ZNF559: variants seen among roughly 807,000 people sequenced by gnomAD.
The protein encoded by ZNF559 is zinc finger protein 559, also known as putative protein product of Nbla00121.
In ZNF559, 17 loss-of-function variants were observed where a neutral mutation model predicts 14.2. That is an observed-to-expected ratio of 1.20 (90% CI 0.82 to 1.80). The LOEUF (loss-of-function observed/expected upper bound fraction) is 1.80. Ranked by LOEUF, ZNF559 falls within the 40% of genes most tolerant of loss-of-function variation. The probability of loss-of-function intolerance (pLI) is 0.00; values close to 1 mark genes in which losing one functional copy is unlikely to be tolerated. For synonymous variants in ZNF559, 244 were observed against 212.4 expected (o/e 1.15, Z -1.29); for missense variants, 740 against 629.7 (o/e 1.18, Z -1.88).
chr19:9,326,105 ATTT>A (rs71183701), intron 2 of ZNF559, among the ~76,000 whole-genome samples: 86 of 73,730 alleles, frequency 1.2e-3, no homozygotes, highest in East Asian at 3.8e-3. Context: ...TATTCACCTG[ATTT>A]TTTTTTTTTT....
chr19:9,345,280 T>A lies in ZNF559; in HGVS notation c.*2212T>A, dbSNP rs902907277. 1 of 152,234 alleles carries A rather than the reference T, an allele frequency of 6.6e-6. No individual in the cohort carries two copies. Among genetic ancestry groups the A allele is most frequent in the Non-Finnish European group, 1.5e-5 (1 of 68,042 alleles). 9.4% of individuals were successfully genotyped at this position (152,234 alleles called of 1,614,324 possible). ...CTGCCTTGAATACCCATATGCAGATTATTCTTTAAACATGTGCTTCTGTTT... is the reference window on the plus strand; with the variant it reads ...CTGCCTTGAATACCCATATGCAGATAATTCTTTAAACATGTGCTTCTGTTT... On this transcript the variant is annotated 3_prime_UTR_variant, in exon 7 of 7. Transcript: ENST00000603380.
chr19:9,327,714 C>A (rs2066698772), intron 2 of ZNF559, among the ~76,000 whole-genome samples: 1 of 150,692 alleles, frequency 6.6e-6, no homozygotes, highest in African/African-American at 2.5e-5. Context: ...GCCCTCTATA[C>A]TTTTTTTCTT....
Position 9,334,988 on chromosome 19 carries a change from T to C in ZNF559, c.-119-2808T>C, listed in dbSNP as rs558184156. Reference sequence around the variant, plus strand: ...TCTCTACTAAAAATACAAAACAAATTAGCCAGGCATGGTGGTGGGCGCCTG... The same window carrying C: ...TCTCTACTAAAAATACAAAACAAATCAGCCAGGCATGGTGGTGGGCGCCTG... On this transcript the variant is annotated intron_variant, in intron 2 of 6. Transcript: ENST00000603380. 1.3e-4 allele frequency among the ~76,000 whole-genome samples: 20 copies of C among 151,752 alleles called. No individual in the cohort carries two copies. The East Asian group carries it at 3.9e-3, about 30-fold the overall frequency.
intron 2 of ZNF559, among the ~76,000 whole-genome samples, chr19:9,325,849 T>G (rs1198822312): frequency 2.0e-5 from 3 of 152,160 alleles, no homozygotes; most frequent in Non-Finnish European, 4.4e-5. Context: ...ATTTGTTTCA[T>G]TTTTTTGTAT....
intron 2 of ZNF559, among the ~76,000 whole-genome samples, chr19:9,336,117 AG>A (rs569896542): frequency 2.9e-4 from 44 of 152,280 alleles, no homozygotes; most frequent in African/African-American, 1.1e-3. Context: ...CAACTTTTTT[AG>A]GGAAGCCAGA....
chr19:9,335,315 T>C (rs1165080207), intron 2 of ZNF559, among the ~76,000 whole-genome samples: 2 of 151,808 alleles, frequency 1.3e-5, no homozygotes, highest in Non-Finnish European at 2.9e-5. Flanking sequence ...AAATTTTTAA[T>C]TGGCCGGGTG....
At position 9,342,646 on chromosome 19, in the gene ZNF559, C is replaced by G. The variant is rs768644929; in HGVS notation, c.1195C>G (p.His399Asp). 42 of 1,614,026 alleles carry G rather than the reference C, an allele frequency of 2.6e-5. No individual in the cohort carries two copies. The African/African-American group carries it at 4.1e-4, about 16-fold the overall frequency. Residue 399 changes from histidine to aspartate, a missense_variant, in exon 7 of 7, where the codon CAC (histidine) becomes GAC (aspartate). His to Asp is a moderately conservative substitution (Grantham distance 81). Coordinates refer to ENST00000603380, the MANE Select transcript of ZNF559 (RefSeq NM_032497.3). Reference protein sequence around the residue: ...AFINSSSFKSHMQTHPGVKPY... With the variant: ...AFINSSSFKSDMQTHPGVKPY... Reference sequence around the variant, plus strand: ...TATTAATTCCTCTTCCTTTAAAAGTCACATGCAGACTCATCCTGGTGTAAA... The same window carrying G: ...TATTAATTCCTCTTCCTTTAAAAGTGACATGCAGACTCATCCTGGTGTAAA...
upstream of ZNF559, chr19:9,324,071 A>C: frequency 1.5e-6 from 2 of 1,318,066 alleles, no homozygotes; most frequent in South Asian, 2.6e-5. Flanking sequence ...ATTTCCTCTC[A>C]GCTCTGGGTT....
At chr19:9,334,745 G>A (rs570459289) in intron 2 of ZNF559, among the ~76,000 whole-genome samples, 33 of 152,214 alleles carry the variant, frequency 2.2e-4, no homozygotes, top group South Asian at 2.1e-4. Flanking sequence ...AGCAAAATGA[G>A]TATAAAGAAA....
intron 2 of ZNF559, among the ~76,000 whole-genome samples, chr19:9,325,367 G>A (rs952791730): frequency 2.0e-5 from 3 of 152,054 alleles, no homozygotes; most frequent in African/African-American, 7.3e-5. Flanking sequence ...ACTTGAGCAT[G>A]GGAGGTCGAG....
At chr19:9,327,586 C>T (rs2066689404) in intron 2 of ZNF559, among the ~76,000 whole-genome samples, 1 of 152,200 alleles carries the variant, frequency 6.6e-6, no homozygotes, top group African/African-American at 2.4e-5. Flanking sequence ...GTCATCTTCT[C>T]CTGAACCTGT....
At chr19:9,330,999 C>T (rs1386095551) in intron 2 of ZNF559, among the ~76,000 whole-genome samples, 1 of 152,128 alleles carries the variant, frequency 6.6e-6, no homozygotes, top group East Asian at 1.9e-4. Flanking sequence ...CAGGACTGAC[C>T]CCTACAGAAG....
At chr19:9,341,044 AC>A in intron 5 of ZNF559, 57 bp from the exon 6 acceptor site, 1 of 1,377,566 alleles carries the variant, frequency 7.3e-7, no homozygotes, top group Non-Finnish European at 1.0e-6. Context: ...CATTTTTAAC[AC>A]CCTTTTTAAA....
At chr19:9,337,402 G>C (rs1001044385) in intron 2 of ZNF559, among the ~76,000 whole-genome samples, 3 of 152,246 alleles carry the variant, frequency 2.0e-5, no homozygotes, top group Non-Finnish European at 4.4e-5. Flanking sequence ...ACTGAGCCAA[G>C]TGTCAGTCCT....
chr19:9,338,409 G>A, intron 3 of ZNF559, 85 bp from the exon 4 acceptor site: 2 of 942,878 alleles, frequency 2.1e-6, no homozygotes, highest in South Asian at 1.5e-5. Flanking sequence ...TGTCCACTTA[G>A]CATTAGTATG....
At chr19:9,334,185 A>G (rs2067098792) in intron 2 of ZNF559, among the ~76,000 whole-genome samples, 1 of 152,270 alleles carries the variant, frequency 6.6e-6, no homozygotes, top group Non-Finnish European at 1.5e-5. Context: ...ACAAGAATAC[A>G]TGAATAAACC....
At chr19:9,340,904 C>G (rs2067543381) in intron 5 of ZNF559, among the ~76,000 whole-genome samples, 198 bp from the exon 6 acceptor site, 1 of 152,058 alleles carries the variant, frequency 6.6e-6, no homozygotes, top group Admixed American at 6.6e-5. Context: ...CACCTACCAA[C>G]TTGACCTCAG....
At position 9,342,626 on chromosome 19, in the gene ZNF559, A is replaced by G; in HGVS notation, c.1175A>G (p.Asn392Ser). 1 of 1,614,000 alleles carries G rather than the reference A, an allele frequency of 6.2e-7. No homozygotes were observed. Among genetic ancestry groups the G allele is most frequent in the East Asian group, 2.2e-5 (1 of 44,856 alleles). Residue 392 changes from asparagine (N) to serine (S), a missense_variant, in exon 7 of 7, where the codon AAT becomes AGT. Coordinates refer to ENST00000603380, the MANE Select transcript of ZNF559 (RefSeq NM_032497.3). ...QCKECGKAFINSSSFKSHMQT... is the reference protein window; with the variant it reads ...QCKECGKAFISSSSFKSHMQT... ...AAGGAATGTGGAAAAGCCTTTATTA[A>G]TTCCTCTTCCTTTAAAAGTCACATG...
At chr19:9,339,525 A>G (rs1378331846) in intron 5 of ZNF559, among the ~76,000 whole-genome samples, 2 of 152,134 alleles carry the variant, frequency 1.3e-5, no homozygotes, top group African/African-American at 4.8e-5. Flanking sequence ...TCCATGGATA[A>G]AAGACTTAGA....
Sources: allele counts gnomAD v4.1 joint callset (sites outside exome capture counted in the v4.1 genomes callset), GRCh38; gene constraint gnomAD v4.1.1; transcripts MANE v1.5; gene names NCBI Gene and HGNC (gene_info 2026-07-23, HGNC 2026-07-21).